The following SI variants were observed in gnomAD, a reference collection of about 807,000 sequenced individuals.
SI encodes the protein sucrase-isomaltase.
A neutral mutation model predicts 253.3 loss-of-function variants in SI; 235 were observed. The ratio of observed to expected loss-of-function variants is 0.93; its 90% confidence interval spans 0.83 to 1.03. The LOEUF (loss-of-function observed/expected upper bound fraction) is 1.03, where lower values mean the gene tolerates loss of function less well. Among genes scored for constraint, SI ranks in the 50% least tolerant of loss-of-function variants. The probability of loss-of-function intolerance (pLI) is 0.00; values close to 1 mark genes in which losing one functional copy is unlikely to be tolerated. For missense variants in SI, 2,442 were observed against 2,211.1 expected (o/e 1.10, Z -2.09); for synonymous variants, 819 against 712.0 (o/e 1.15, Z -2.39).
At chr3:165,019,845 C>G in intron 27 of SI, 75 bp from the exon 28 acceptor site, 1 of 1,276,038 alleles carries the variant, frequency 7.8e-7, no homozygotes, top group South Asian at 1.2e-5. Context: ...AACGGTAATT[C>G]TTTCTTAGAT....
rs967397199 is a variant in SI, at chr3:165,068,366, A to C, written c.483+356T>G. Among the ~76,000 whole-genome samples the C allele has an allele frequency of 2.6e-5, 4 of 152,166 alleles. No individual in the cohort carries two copies. In the East Asian group the frequency reaches 7.7e-4, roughly 29 times the overall value. On this transcript the variant is annotated intron_variant, in intron 5 of 47. Coordinates refer to ENST00000264382, the MANE Select transcript of SI (RefSeq NM_001041.4). ...AACAATTTGAGAGAAGTGCAGTTTAATTAATTCTTTGCCTTGGAATAAATA... is the reference window on the plus strand; with the variant it reads ...AACAATTTGAGAGAAGTGCAGTTTACTTAATTCTTTGCCTTGGAATAAATA...
At position 165,010,441 on chromosome 3, in the gene SI, G is replaced by A. The variant is rs528454979; in HGVS notation, c.4063-1046C>T. Among the ~76,000 whole-genome samples the A allele has an allele frequency of 1.5e-4, 23 of 152,244 alleles. No individual in the cohort carries two copies. The East Asian group carries it at 2.1e-3, about 14-fold the overall frequency. On this transcript the variant is annotated intron_variant, in intron 34 of 47. Transcript: ENST00000264382. ...CTCCCAAAGTGCTGGGATTACAGGC[G>A]TGAGCCACCGCACCTGGCCTATGAT...
intron 22 of SI, 130 bp from the exon 23 acceptor site, chr3:165,033,574 A>T: frequency 1.1e-6 from 1 of 928,170 alleles, no homozygotes. Context: ...TCCCAAACAG[A>T]TTTTGTTTTT....
intron 44 of SI, among the ~76,000 whole-genome samples, chr3:164,989,101 A>T (rs9863015): frequency 6.7e-6 from 1 of 148,850 alleles, no homozygotes; most frequent in Non-Finnish European, 1.5e-5. Context: ...TAAATAAATA[A>T]ATAAATACAT....
chr3:164,994,572 T>C (rs1156277425), intron 40 of SI, among the ~76,000 whole-genome samples, 167 bp from the exon 41 acceptor site: 1 of 151,722 alleles, frequency 6.6e-6, no homozygotes, highest in Non-Finnish European at 1.5e-5. Flanking sequence ...TATCACATGA[T>C]AAAGAGAAAA....
chr3:164,988,692 G>C (rs1392727082), intron 44 of SI, among the ~76,000 whole-genome samples: 1 of 152,124 alleles, frequency 6.6e-6, no homozygotes, highest in East Asian at 1.9e-4. Flanking sequence ...AGCATAAAAA[G>C]AGAAGAAAAA....
chr3:165,052,653 T>C (rs1298789942), intron 13 of SI, among the ~76,000 whole-genome samples: 4 of 151,614 alleles, frequency 2.6e-5, no homozygotes, highest in Non-Finnish European at 5.9e-5. Flanking sequence ...CAAGACTTAG[T>C]CTCAAAAAAC....
Position 165,039,110 on chromosome 3 carries a change from T to C in SI, c.2269A>G (p.Ile757Val). The C allele has an allele frequency of 6.3e-7, 1 of 1,594,914 alleles. No homozygotes were observed. The highest frequency in any genetic ancestry group is 1.1e-5 in the South Asian group (1 of 90,346). ...KQGADTVSAY[I>V]PDAIWYDYES... ...TAATCATACCAAATAGCATCAGGGA[T>C]GTAGGCACTCACAGTATCTGCTCCC... The change falls in exon 20 of 48, where the codon ATC becomes GTC. Residue 757 changes from isoleucine (I) to valine (V), a missense_variant. Coordinates refer to ENST00000264382, the MANE Select transcript of SI (RefSeq NM_001041.4).
the SI span, among the ~76,000 whole-genome samples, chr3:165,088,068 A>G: frequency 2.8e-4 from 43 of 152,306 alleles, no homozygotes; most frequent in Admixed American, 1.5e-3. Context: ...ATAAAGGTCC[A>G]GGAACAGTGG....
chr3:164,983,082 T>C, intron 45 of SI, 31 bp from the exon 46 acceptor site: 1 of 1,528,468 alleles, frequency 6.5e-7, no homozygotes, highest in Non-Finnish European at 9.0e-7. Context: ...TGTGATATAT[T>C]GTTATTTCCA....
At chr3:165,060,993 A>T (rs564742786) in intron 9 of SI, among the ~76,000 whole-genome samples, 41 of 151,326 alleles carry the variant, frequency 2.7e-4, no homozygotes, top group African/African-American at 9.4e-4. Context: ...GAAATACTAA[A>T]CTTATTTCAA....
intron 13 of SI, among the ~76,000 whole-genome samples, chr3:165,052,605 C>T (rs993394514): frequency 1.3e-5 from 2 of 151,830 alleles, no homozygotes; most frequent in African/African-American, 4.8e-5. Context: ...TGCAGTGAGC[C>T]AAGTTAGCGC....
At chr3:165,041,122 A>G (rs781282933) in intron 17 of SI, 28 bp from the exon 18 acceptor site, 7 of 1,605,194 alleles carry the variant, frequency 4.4e-6, no homozygotes, top group Non-Finnish European at 6.0e-6. Context: ...AAATTAAAAT[A>G]AGAAAGCTAA....
At position 164,996,785 on chromosome 3, in the gene SI, GA is replaced by G; in HGVS notation, c.4541-14del. The G allele has an allele frequency of 2.0e-6, 2 of 978,394 alleles. No individual in the cohort carries two copies. Among genetic ancestry groups the G allele is most frequent in the Admixed American group, 2.1e-5 (1 of 48,766 alleles). The allele number at this position is 978,394 out of a possible 1,614,324, so 60.6% of individuals were successfully genotyped here. Reference sequence around the variant, plus strand: ...AATTCCATCATACCTGAAAAAGTTAGAAAAAATATCTTAGAAAGTTATTATT... The same window carrying G: ...AATTCCATCATACCTGAAAAAGTTAGAAAAATATCTTAGAAAGTTATTATT... On this transcript the variant is annotated splice_polypyrimidine_tract_variant and intron_variant, in intron 38 of 47. Coordinates refer to ENST00000264382, the MANE Select transcript of SI (RefSeq NM_001041.4).
chr3:165,067,020 G>A (rs1714279217), intron 6 of SI, among the ~76,000 whole-genome samples: 1 of 151,620 alleles, frequency 6.6e-6, no homozygotes, highest in Non-Finnish European at 1.5e-5. Flanking sequence ...CTACAAATTG[G>A]CAACAAAATA....
intron 2 of SI, among the ~76,000 whole-genome samples, chr3:165,075,241 G>A (rs956092372): frequency 2.0e-5 from 3 of 151,912 alleles, no homozygotes; most frequent in Non-Finnish European, 4.4e-5. Context: ...GTTTCTGGAA[G>A]TAGGTAAAAC....
At chr3:165,080,234 T>G (rs935172469), upstream of SI, among the ~76,000 whole-genome samples, 3 of 152,024 alleles carry the variant, frequency 2.0e-5, no homozygotes, top group Non-Finnish European at 4.4e-5. Context: ...AGAGAAATAG[T>G]TAACAAGTTG....
chr3:164,990,576 A>T (rs950696939), intron 44 of SI, among the ~76,000 whole-genome samples: 25 of 152,142 alleles, frequency 1.6e-4, no homozygotes, highest in African/African-American at 5.8e-4. Context: ...TTAAAAATGA[A>T]TTGAGTTCAT....
intron 40 of SI, among the ~76,000 whole-genome samples, chr3:164,995,273 A>G (rs1032604399): frequency 6.6e-6 from 1 of 151,796 alleles, no homozygotes; most frequent in African/African-American, 2.4e-5. Context: ...TAGAATACAG[A>G]AAATCTTGAA....
Sources: allele counts gnomAD v4.1 joint callset (sites outside exome capture counted in the v4.1 genomes callset), GRCh38; gene constraint gnomAD v4.1.1; transcripts MANE v1.5; gene names NCBI Gene and HGNC (gene_info 2026-07-23, HGNC 2026-07-21).